The following CYP11A1 variants were observed in gnomAD, a reference collection of about 807,000 sequenced individuals.
The protein encoded by CYP11A1 is cholesterol side-chain cleavage enzyme, mitochondrial.
A neutral mutation model predicts 51.9 loss-of-function variants in CYP11A1; 25 were observed. The ratio of observed to expected loss-of-function variants is 0.48; its 90% CI spans 0.35 to 0.67. The LOEUF is 0.67. CYP11A1 is among the 30% of genes least tolerant of loss of function. The pLI is 0.00. For missense variants in CYP11A1, 578 were observed against 680.9 expected, an observed-to-expected ratio of 0.85 and a Z score of 1.68; for synonymous variants, 245 against 262.1, an observed-to-expected ratio of 0.93 and a Z score of 0.63.
chr15:74,356,217 C>T (rs2060679131), intron 1 of CYP11A1: 1 of 152,296 alleles, frequency 6.6e-6, no homozygotes, highest in African/African-American at 2.4e-5. Flanking sequence ...TGCTGGAAAT[C>T]TGGCCACTGG....
Position 74,345,196 on chromosome 15 carries a change from ACCTCCTGGTTCAGGG to A in CYP11A1, c.458_472del (p.Ala153_Glu157del). 6.2e-7 allele frequency: 1 copy of A among 1,614,004 alleles called. No individual in the cohort carries two copies. The highest frequency in any genetic ancestry group is 8.5e-7 in the Non-Finnish European group (1 of 1,179,996). On this transcript the variant is annotated inframe_deletion, in exon 3 of 9. Transcript: ENST00000268053. This position sits in a 1 kb window ranked among gnomAD's most constrained non-coding sequence, Gnocchi z 4.3. ...GTTCTTGGTGGCCTCTGGAGCCATC[ACCTCCTGGTTCAGGG>A]CCACCCGGTCTTTCTTCCAGGCTGC...
At chr15:74,352,485 G>A (rs970645406) in intron 1 of CYP11A1, among the ~76,000 whole-genome samples, 5 of 151,958 alleles carry the variant, frequency 3.3e-5, no homozygotes, top group Non-Finnish European at 7.4e-5. Flanking sequence ...TGGCCAGGCT[G>A]GTCTTGAACT....
At chr15:74,346,800 C>CTTT (rs1046360822) in intron 2 of CYP11A1, among the ~76,000 whole-genome samples, 5 of 131,738 alleles carry the variant, frequency 3.8e-5, no homozygotes, top group African/African-American at 1.1e-4. Context: ...CTTTTCTTTT[C>CTTT]TTTTTTTTTT....
At chr15:74,363,193 A>C (rs1278482944) in intron 1 of CYP11A1, 1 of 152,224 alleles carries the variant, frequency 6.6e-6, no homozygotes, top group Non-Finnish European at 1.5e-5. Flanking sequence ...TGGCCTATAC[A>C]GAAATACATC....
Position 74,345,263 on chromosome 15 carries a change from C to T in CYP11A1, c.426-20G>A. 5 of 1,614,106 alleles carry T rather than the reference C, an allele frequency of 3.1e-6. No homozygotes were observed. Among genetic ancestry groups the T allele is most frequent in the Non-Finnish European group, 3.4e-6 (4 of 1,179,978 alleles). ...GACTTCCTGAGAAAACATGGGCCCA[C>T]AAGCCCTCATGGTCACAGACCCCAG... On this transcript the variant is annotated intron_variant, in intron 2 of 8. Transcript: ENST00000268053. The surrounding 1 kb of genome is among the most constrained non-coding windows in gnomAD (Gnocchi z 4.3).
intron 8 of CYP11A1, chr15:74,338,353 G>A (rs2141230036): frequency 1.4e-6 from 1 of 709,428 alleles, no homozygotes; most frequent in East Asian, 2.7e-5. Context: ...CCACCATGGG[G>A]AATGGATGGC....
chr15:74,367,178 C>CG, intron 1 of CYP11A1, 139 bp downstream of exon 1: 1 of 693,270 alleles, frequency 1.4e-6, no homozygotes, highest in East Asian at 2.8e-5. Context: ...ATTGTATTAC[C>CG]AAAAAAAAAA....
intron 7 of CYP11A1, 53 bp from the exon 8 acceptor site, chr15:74,338,821 A>T (rs2060592102): frequency 1.3e-6 from 2 of 1,541,792 alleles, no homozygotes; most frequent in Non-Finnish European, 1.8e-6. Flanking sequence ...CACAGCCCTG[A>T]GCACAAAACC....
chr15:74,355,369 G>T (rs1376580297), intron 1 of CYP11A1, among the ~76,000 whole-genome samples: 1 of 152,166 alleles, frequency 6.6e-6, no homozygotes, highest in East Asian at 1.9e-4. Context: ...GTCATAAAAT[G>T]GGCAAATGGT....
intron 1 of CYP11A1, among the ~76,000 whole-genome samples, chr15:74,349,365 C>G (rs1188347900): frequency 6.6e-6 from 1 of 152,126 alleles, no homozygotes; most frequent in Admixed American, 6.5e-5. Context: ...CATGGAGATA[C>G]AAGCCAAGTG....
At chr15:74,350,148 T>C (rs2060649519) in intron 1 of CYP11A1, 1 of 396,734 alleles carries the variant, frequency 2.5e-6, no homozygotes, top group African/African-American at 2.2e-5. Flanking sequence ...AAGCAGCATA[T>C]GTAGTATATT....
At chr15:74,365,757 C>G (rs2060729346) in intron 1 of CYP11A1, 8 of 985,542 alleles carry the variant, frequency 8.1e-6, no homozygotes, top group Non-Finnish European at 9.6e-6. Flanking sequence ...CGGGTGAGCT[C>G]GGGTGAACGC....
intron 1 of CYP11A1, among the ~76,000 whole-genome samples, chr15:74,355,959 G>A (rs2060677488): frequency 6.6e-6 from 1 of 152,154 alleles, no homozygotes; most frequent in African/African-American, 2.4e-5. Context: ...CCTGACATTA[G>A]AAAAAAGCTT....
chr15:74,337,805 AG>A lies in CYP11A1; in HGVS notation c.*166del, dbSNP rs892438762. 11 of 801,456 alleles carry A rather than the reference AG, an allele frequency of 1.4e-5. No homozygotes were observed. The highest frequency in any genetic ancestry group is 2.3e-5 in the Non-Finnish European group (11 of 478,900). 49.6% of individuals were successfully genotyped at this position (801,456 alleles called of 1,614,324 possible). ...TGTCTCCATGGGGTGGGTGAAGAGG[AG>A]TGGCCCAGCTGAGCTGAGGAAGGTG... On this transcript the variant is annotated 3_prime_UTR_variant, in exon 9 of 9. Coordinates refer to ENST00000268053, the MANE Select transcript of CYP11A1 (RefSeq NM_000781.3).
rs1416463682 is a variant in CYP11A1, at chr15:74,338,746, T to C, written c.1259A>G (p.Tyr420Cys). The C allele has an allele frequency of 1.2e-6, 2 of 1,614,178 alleles. No individual in the cohort carries two copies. Among genetic ancestry groups the C allele is most frequent in the South Asian group, 1.1e-5 (1 of 91,086 alleles). ...PAKTLVQVAI[Y>C]ALGREPTFFF... is the part of the protein sequence containing the mutation. ...GAAGGTGGGCTCTCGGCCCAGAGCA[T>C]AGATGGCCACTTGCACCAGTGTCTG... The change falls in exon 8 of 9, where the codon TAT becomes TGT. Residue 420 changes from tyrosine (Y) to cysteine (C), a missense_variant. By Grantham distance (194) the Tyr-to-Cys change is radical. Coordinates refer to ENST00000268053, the MANE Select transcript of CYP11A1 (RefSeq NM_000781.3).
chr15:74,344,851 G>C (rs2060624444), intron 3 of CYP11A1, 193 bp downstream of exon 3: 1 of 659,522 alleles, frequency 1.5e-6, no homozygotes. Context: ...CAGAGCAAGG[G>C]GTCTCACTCT....
At chr15:74,347,012 C>T (rs998456568) in intron 2 of CYP11A1, among the ~76,000 whole-genome samples, 4 of 151,966 alleles carry the variant, frequency 2.6e-5, no homozygotes, top group African/African-American at 7.2e-5. Flanking sequence ...CACTGTGTTG[C>T]CCAGGGTGGT....
intron 1 of CYP11A1, among the ~76,000 whole-genome samples, chr15:74,352,659 G>T (rs2060661486): frequency 1.3e-5 from 2 of 152,162 alleles, no homozygotes; most frequent in African/African-American, 4.8e-5. Context: ...ATGCATATCT[G>T]ATTGGTTCCT....
rs1428135350 is a variant in CYP11A1, at chr15:74,338,732, C to T, written c.1273G>A (p.Glu425Lys). 20 of 1,614,078 alleles carry T rather than the reference C, an allele frequency of 1.2e-5. No individual in the cohort carries two copies. The East Asian group carries it at 4.2e-4, about 34-fold the overall frequency. The change falls in exon 8 of 9, where the codon GAG becomes AAG. Residue 425 changes from glutamate (E) to lysine (K), a missense_variant. Physicochemically the swap from Glu to Lys is moderately conservative, Grantham distance 56. Transcript: ENST00000268053. ...TCCGGGTCGAAGAAGAAGGTGGGCT[C>T]TCGGCCCAGAGCATAGATGGCCACT... The part of the protein sequence containing the change: ...VQVAIYALGR[E>K]PTFFFDPENF...
Sources: allele counts gnomAD v4.1 joint callset (sites outside exome capture counted in the v4.1 genomes callset), GRCh38; gene constraint gnomAD v4.1.1; non-coding constraint Gnocchi (gnomAD v3.1); transcripts MANE v1.5; gene names NCBI Gene and HGNC (gene_info 2026-07-23, HGNC 2026-07-21).